Variants in MARCHF4 observed in about 807,000 individuals in gnomAD.
MARCHF4 encodes membrane associated ring-CH-type finger 4.
MARCHF4 carries 14 observed loss-of-function variants against 43.9 expected under a neutral mutation model. The observed-to-expected ratio is 0.32, with a 90% CI of 0.21 to 0.50. The LOEUF (loss-of-function observed/expected upper bound fraction) is 0.50. Ranked by LOEUF, MARCHF4 falls within the 20% of genes least tolerant of loss-of-function variation. MARCHF4 has a pLI of 0.98. For synonymous variants in MARCHF4, 226 were observed against 213.3 expected, an observed-to-expected ratio of 1.06 and a Z score of -0.52; for missense variants, 468 against 536.7, an observed-to-expected ratio of 0.87 and a Z score of 1.27.
chr2:216,300,138 T>C (rs989769413), intron 1 of MARCHF4, among the ~76,000 whole-genome samples: 1 of 152,118 alleles, frequency 6.6e-6, no homozygotes. Context: ...CCTTGGGCAA[T>C]TCCCTTAGCC....
At chr2:216,330,465 A>G (rs1485744816) in intron 1 of MARCHF4, among the ~76,000 whole-genome samples, 1 of 152,204 alleles carries the variant, frequency 6.6e-6, no homozygotes, top group African/African-American at 2.4e-5. Flanking sequence ...GATCAGACAA[A>G]AAAATTAACG....
intron 1 of MARCHF4, among the ~76,000 whole-genome samples, chr2:216,329,858 G>A (rs1692057303): frequency 6.6e-6 from 1 of 151,798 alleles, no homozygotes; most frequent in African/African-American, 2.4e-5. Flanking sequence ...AAGCCAAGGT[G>A]GGAGGATCGC....
chr2:216,364,295 CAT>C (rs1025365903), intron 1 of MARCHF4, among the ~76,000 whole-genome samples: 1 of 152,088 alleles, frequency 6.6e-6, no homozygotes, highest in Non-Finnish European at 1.5e-5. Flanking sequence ...AAGAAATACT[CAT>C]AGAGCATGAA....
chr2:216,359,978 A>G (rs1189873131), intron 1 of MARCHF4, among the ~76,000 whole-genome samples: 1 of 152,112 alleles, frequency 6.6e-6, no homozygotes, highest in African/African-American at 2.4e-5. Context: ...CTTGTTCCAG[A>G]ACCTCAGGTC....
chr2:216,298,091 C>T (rs1458619652), intron 1 of MARCHF4, among the ~76,000 whole-genome samples: 5 of 152,174 alleles, frequency 3.3e-5, no homozygotes, highest in African/African-American at 4.8e-5. Context: ...GACCCAACTT[C>T]ATGTTCCCCA....
intron 1 of MARCHF4, among the ~76,000 whole-genome samples, chr2:216,310,375 C>G (rs564673971): frequency 5.3e-5 from 8 of 152,304 alleles, no homozygotes; most frequent in Admixed American, 3.9e-4. Flanking sequence ...AATCCTCCCC[C>G]CTCAGCCTCC....
intron 3 of MARCHF4, among the ~76,000 whole-genome samples, chr2:216,272,134 A>T (rs1437781472): frequency 2.6e-5 from 4 of 152,054 alleles, no homozygotes; most frequent in African/African-American, 9.7e-5. Flanking sequence ...GATTACAGGT[A>T]TGAGCTACTG....
At chr2:216,344,803 T>C (rs961410981) in intron 1 of MARCHF4, among the ~76,000 whole-genome samples, 2 of 151,598 alleles carry the variant, frequency 1.3e-5, no homozygotes, top group African/African-American at 4.9e-5. Context: ...GCTGTGTGGG[T>C]GCGAGCGGAG....
intron 1 of MARCHF4, among the ~76,000 whole-genome samples, chr2:216,323,090 T>C (rs939083911): frequency 1.3e-5 from 2 of 152,142 alleles, no homozygotes; most frequent in African/African-American, 4.8e-5. Context: ...TCTGAATGAG[T>C]GTACCTAATA....
At chr2:216,310,868 C>T (rs1031736125) in intron 1 of MARCHF4, among the ~76,000 whole-genome samples, 5 of 152,162 alleles carry the variant, frequency 3.3e-5, no homozygotes, top group African/African-American at 1.2e-4. Flanking sequence ...AGGTCTGTTA[C>T]TCCCCTTTCC....
intron 3 of MARCHF4, among the ~76,000 whole-genome samples, chr2:216,271,260 T>C (rs1690930857): frequency 6.6e-6 from 1 of 152,208 alleles, no homozygotes; most frequent in African/African-American, 2.4e-5. Flanking sequence ...TTCCTAAGCA[T>C]ACCTGGCTCA....
At chr2:216,367,558 C>T (rs1008828772) in intron 1 of MARCHF4, among the ~76,000 whole-genome samples, 1 of 152,206 alleles carries the variant, frequency 6.6e-6, no homozygotes, top group Non-Finnish European at 1.5e-5. Context: ...CTCTTGGCTC[C>T]TGCACAGATA....
At chr2:216,318,978 G>A (rs1691832496) in intron 1 of MARCHF4, among the ~76,000 whole-genome samples, 1 of 152,038 alleles carries the variant, frequency 6.6e-6, no homozygotes, top group South Asian at 2.1e-4. Context: ...TGTGATTGCT[G>A]AAATAATTCT....
intron 3 of MARCHF4, among the ~76,000 whole-genome samples, chr2:216,270,015 C>T (rs990149732): frequency 6.6e-6 from 1 of 152,170 alleles, no homozygotes; most frequent in African/African-American, 2.4e-5. Context: ...TTTTACTGTT[C>T]ACTTCCAAAT....
At chr2:216,322,656 T>C (rs1691918546) in intron 1 of MARCHF4, among the ~76,000 whole-genome samples, 1 of 152,172 alleles carries the variant, frequency 6.6e-6, no homozygotes, top group South Asian at 2.1e-4. Context: ...ACCCCATCTC[T>C]ACTAAAAATA....
At chr2:216,273,511 A>G (rs994604509) in intron 3 of MARCHF4, among the ~76,000 whole-genome samples, 4 of 152,022 alleles carry the variant, frequency 2.6e-5, no homozygotes, top group African/African-American at 9.7e-5. Flanking sequence ...CTTTTTTGTC[A>G]ATGTTTTCCT....
intron 1 of MARCHF4, among the ~76,000 whole-genome samples, chr2:216,354,402 G>C (rs535887885): frequency 2.0e-5 from 3 of 152,276 alleles, no homozygotes; most frequent in African/African-American, 7.2e-5. Flanking sequence ...GCAAGTCCAC[G>C]TGGGGTCCTT....
chr2:216,257,866 G>C lies in MARCHF4; in HGVS notation c.*1446C>G, dbSNP rs909375227. ...CTCGCATATGGAAAGGGACACTAAT[G>C]GTAGGGAAAGAAGTTTTATTTTCAA... On this transcript the variant is annotated 3_prime_UTR_variant, in exon 4 of 4. Coordinates refer to ENST00000273067, the MANE Select transcript of MARCHF4 (RefSeq NM_020814.3). The C allele has an allele frequency of 1.3e-5, 2 of 152,068 alleles. No homozygotes were observed. Among genetic ancestry groups the C allele is most frequent in the African/African-American group, 4.8e-5 (2 of 41,382 alleles). 9.4% of individuals were successfully genotyped at this position (152,068 alleles called of 1,614,324 possible).
At chr2:216,356,216 A>T (rs764820853) in intron 1 of MARCHF4, among the ~76,000 whole-genome samples, 1 of 152,258 alleles carries the variant, frequency 6.6e-6, no homozygotes, top group Non-Finnish European at 1.5e-5. Context: ...GATGATCCTT[A>T]ACTCTGTTTA....
Sources: allele counts gnomAD v4.1 joint callset (sites outside exome capture counted in the v4.1 genomes callset), GRCh38; gene constraint gnomAD v4.1.1; transcripts MANE v1.5; gene names NCBI Gene and HGNC (gene_info 2026-07-23, HGNC 2026-07-21).